FSTL4: variants seen among roughly 807,000 people sequenced by gnomAD.
FSTL4 encodes the protein follistatin like 4, also known as follistatin-related protein 4.
In FSTL4, 28 loss-of-function variants were observed where a neutral mutation model predicts 78.2. That is an observed-to-expected ratio of 0.36 (90% confidence interval 0.27 to 0.49). The LOEUF (loss-of-function observed/expected upper bound fraction) is 0.49. Among genes scored for constraint, FSTL4 ranks in the 20% least tolerant of loss-of-function variants. The pLI, the probability that FSTL4 is intolerant of heterozygous loss-of-function variation, is 0.98. For missense variants in FSTL4, 922 were observed against 1,084.9 expected (o/e 0.85, Z 2.11); for synonymous variants, 422 against 440.5 (o/e 0.96, Z 0.53).
intron 2 of FSTL4, among the ~76,000 whole-genome samples, chr5:133,593,891 A>G (rs1580810241): frequency 6.6e-6 from 1 of 151,608 alleles, no homozygotes; most frequent in Non-Finnish European, 1.5e-5. Flanking sequence ...GATTGCTCCT[A>G]CCTCCCACCC....
chr5:133,603,183 C>T (rs992358644), intron 2 of FSTL4, among the ~76,000 whole-genome samples: 3 of 152,106 alleles, frequency 2.0e-5, no homozygotes, highest in Non-Finnish European at 4.4e-5. Context: ...GCCCATGAAC[C>T]CCAAATTCAT....
chr5:133,392,223 C>T (rs1046688122), intron 4 of FSTL4, among the ~76,000 whole-genome samples: 4 of 152,100 alleles, frequency 2.6e-5, no homozygotes, highest in Admixed American at 2.0e-4. Flanking sequence ...GAGAGGTAGA[C>T]TGAAACGTGA....
At chr5:133,788,181 C>T in the FSTL4 span, among the ~76,000 whole-genome samples, 11 of 152,258 alleles carry the variant, frequency 7.2e-5, no homozygotes, top group East Asian at 9.7e-4. Flanking sequence ...GAGAAGGGGA[C>T]GTGAGATGGG....
chr5:133,771,505 T>C, the FSTL4 span, among the ~76,000 whole-genome samples: 1,048 of 152,258 alleles, frequency 6.9e-3, 10 homozygotes, highest in African/African-American at 0.024. Flanking sequence ...GTAAATGGAA[T>C]TGCTTTCTTG....
At chr5:133,515,225 G>A (rs1758829187) in intron 3 of FSTL4, among the ~76,000 whole-genome samples, 1 of 151,974 alleles carries the variant, frequency 6.6e-6, no homozygotes, top group Non-Finnish European at 1.5e-5. Context: ...AATAATAATA[G>A]AAACTAAGAA....
intron 5 of FSTL4, among the ~76,000 whole-genome samples, chr5:133,315,168 A>G (rs1343927978): frequency 1.3e-5 from 2 of 152,172 alleles, no homozygotes; most frequent in Non-Finnish European, 2.9e-5. Context: ...TCTAAAAAAG[A>G]AACATACCAC....
At chr5:133,442,730 C>T (rs578134422) in intron 3 of FSTL4, among the ~76,000 whole-genome samples, 1 of 152,304 alleles carries the variant, frequency 6.6e-6, no homozygotes, top group South Asian at 2.1e-4. Flanking sequence ...CATGTCCTCC[C>T]TTCTCCTGAG....
At chr5:133,394,438 T>C (rs542665183) in intron 4 of FSTL4, among the ~76,000 whole-genome samples, 1 of 152,298 alleles carries the variant, frequency 6.6e-6, no homozygotes, top group East Asian at 1.9e-4. Context: ...TGGTGGGCCC[T>C]GCACTCACAG....
chr5:133,751,704 GTC>G, the FSTL4 span, among the ~76,000 whole-genome samples: 120 of 152,314 alleles, frequency 7.9e-4, no homozygotes, highest in African/African-American at 2.8e-3. Context: ...ATTATTGACT[GTC>G]TGAGAGGTGT....
intron 2 of FSTL4, among the ~76,000 whole-genome samples, chr5:133,601,412 G>T (rs1265867438): frequency 6.6e-6 from 1 of 152,222 alleles, no homozygotes; most frequent in African/African-American, 2.4e-5. Flanking sequence ...CAGAAAAAGA[G>T]ACCAGGTGTG....
chr5:133,333,744 G>A (rs778611113), intron 4 of FSTL4, among the ~76,000 whole-genome samples: 5 of 152,218 alleles, frequency 3.3e-5, no homozygotes, highest in East Asian at 1.9e-4. Flanking sequence ...GCATCTCCAC[G>A]TCAGGCAGAG....
At position 133,312,721 on chromosome 5, in the gene FSTL4, G is replaced by T. The variant is rs1391580662; in HGVS notation, c.660C>A (p.Asp220Glu). 6.2e-7 allele frequency: 1 copy of T among 1,613,324 alleles called. No individual in the cohort carries two copies. Among genetic ancestry groups the T allele is most frequent in the Non-Finnish European group, 8.5e-7 (1 of 1,179,362 alleles). Reference protein sequence around the residue: ...DEDLLGCSPGDLLRFDDYNSD... With the variant: ...DEDLLGCSPGELLRFDDYNSD... ...TGTTGTAATCGTCAAATCGGAGGAG[G>T]TCACCTGGTGAGCAACCAAGTAAGT... The change falls in exon 6 of 16, where the codon GAC becomes GAA. Residue 220 changes from aspartate (D) to glutamate (E), a missense_variant. Physicochemically the swap from Asp to Glu is conservative, Grantham distance 45. Transcript: ENST00000265342.
chr5:133,573,161 G>A (rs551813216), intron 2 of FSTL4, among the ~76,000 whole-genome samples: 9 of 151,958 alleles, frequency 5.9e-5, no homozygotes, highest in East Asian at 1.9e-4. Context: ...GAAGAATGGC[G>A]TGAACCCGGG....
At chr5:133,514,178 CAATGATAATAATAATAATAAT>C (rs1213039701) in intron 3 of FSTL4, among the ~76,000 whole-genome samples, 2 of 131,034 alleles carry the variant, frequency 1.5e-5, no homozygotes, top group African/African-American at 5.6e-5. Context: ...GACTCCGTCT[CAATGATAATAATAATAATAAT>C]AATAATAATA....
intron 4 of FSTL4, among the ~76,000 whole-genome samples, chr5:133,335,178 A>G (rs1251657601): frequency 6.6e-6 from 1 of 152,122 alleles, no homozygotes; most frequent in Non-Finnish European, 1.5e-5. Context: ...GCAGGTGCTC[A>G]GTTAGTCTGT....
At chr5:133,284,769 A>G (rs1452819139) in intron 6 of FSTL4, among the ~76,000 whole-genome samples, 2 of 152,216 alleles carry the variant, frequency 1.3e-5, no homozygotes, top group Non-Finnish European at 2.9e-5. Context: ...CTCAAGTTGG[A>G]GAGGATGCTC....
chr5:133,233,643 C>T (rs1165278906), intron 7 of FSTL4, 106 bp from the exon 8 acceptor site: 3 of 1,396,632 alleles, frequency 2.1e-6, no homozygotes, highest in African/African-American at 2.9e-5. Flanking sequence ...GAGAGAGTTC[C>T]TTTCTGCCTG....
intron 3 of FSTL4, among the ~76,000 whole-genome samples, chr5:133,553,213 A>C (rs554628226): frequency 9.9e-5 from 15 of 152,212 alleles, no homozygotes; most frequent in Non-Finnish European, 1.2e-4. Flanking sequence ...AGCCTGGACC[A>C]GCATCTTCCC....
At chr5:133,653,625 T>G in the FSTL4 span, among the ~76,000 whole-genome samples, 1 of 152,234 alleles carries the variant, frequency 6.6e-6, no homozygotes, top group Non-Finnish European at 1.5e-5. Context: ...GATAAGCTGA[T>G]GTCTCTTTAT....
Sources: gnomAD v4.1 joint callset for allele counts (sites outside exome capture counted in the v4.1 genomes callset) on GRCh38, gnomAD v4.1.1 for gene constraint, MANE v1.5 for transcripts, NCBI Gene and HGNC (gene_info 2026-07-23, HGNC 2026-07-21) for gene names.